The following RASSF4 variants were observed in gnomAD, a reference collection of about 807,000 sequenced individuals.
RASSF4 encodes the protein ras association domain-containing protein 4.
A neutral mutation model predicts 41.1 loss-of-function variants in RASSF4; 38 were observed. The ratio of observed to expected loss-of-function variants is 0.92; its 90% CI spans 0.71 to 1.21. RASSF4 has a LOEUF of 1.21. RASSF4 is among the 50% of genes most tolerant of loss of function. RASSF4 has a pLI of 0.00. For synonymous variants in RASSF4, 179 were observed against 163.4 expected (o/e 1.10, Z -0.73); for missense variants, 414 against 419.4 (o/e 0.99, Z 0.11).
In RASSF4 at chr10:44,987,603, C is replaced by T. The variant is rs1429247440; in HGVS notation, c.532-1671C>T. Among the ~76,000 whole-genome samples the T allele has an allele frequency of 7.3e-4, 106 of 144,888 alleles. 1 individual carries two copies. Among genetic ancestry groups the T allele is most frequent in the Non-Finnish European group, 1.0e-4 (7 of 66,764 alleles). Reference sequence around the variant, plus strand: ...CAAATGGAAGGTTGCTGTTCAGCAACCTTCCATTTGCAAAAATGTGCACTT... The same window carrying T: ...CAAATGGAAGGTTGCTGTTCAGCAATCTTCCATTTGCAAAAATGTGCACTT... On this transcript the variant is annotated intron_variant, in intron 6 of 10. Coordinates refer to ENST00000340258, the MANE Select transcript of RASSF4 (RefSeq NM_032023.4).
intron 9 of RASSF4, chr10:44,991,420 GA>G (rs1308138077): frequency 4.6e-6 from 1 of 216,570 alleles, no homozygotes; most frequent in Admixed American, 5.3e-5. Context: ...CGCACCTGTG[GA>G]AAACAGGGAG....
rs759778943 is a variant in RASSF4 at position 44,989,309 on chromosome 10, C to T, written c.567C>T (p.Thr189=). 3 of 1,613,868 alleles carry T rather than the reference C, an allele frequency of 1.9e-6. No homozygotes were observed. The highest frequency in any genetic ancestry group is 2.5e-6 in the Non-Finnish European group (3 of 1,179,820). Residue 189 remains threonine (T), a synonymous_variant, in exon 7 of 11, where the codon ACC becomes ACT. Transcript: ENST00000340258. The part of the protein sequence containing the change: ...SVFTPAYGSV[T]NVRVNSTMTT... Reference sequence around the variant, plus strand: ...TTACTCCAGCCTATGGATCCGTGACCAATGTGAGGGTCAACAGCACCATGA... The same window carrying T: ...TTACTCCAGCCTATGGATCCGTGACTAATGTGAGGGTCAACAGCACCATGA...
In RASSF4 at chr10:44,993,359, C is replaced by A; in HGVS notation, c.*30C>A. ...CCAACACCTGCCTCTTCCAAAGTCCCCAGCAGTGGCAGGTGTACACTGAGC... is the reference window on the plus strand; with the variant it reads ...CCAACACCTGCCTCTTCCAAAGTCCACAGCAGTGGCAGGTGTACACTGAGC... On this transcript the variant is annotated 3_prime_UTR_variant, in exon 11 of 11. Coordinates refer to ENST00000340258, the MANE Select transcript of RASSF4 (RefSeq NM_032023.4). The A allele has an allele frequency of 6.4e-7, 1 of 1,573,664 alleles. No individual in the cohort carries two copies.
chr10:44,977,439 CACT>C, intron 3 of RASSF4: 1 of 1,609,740 alleles, frequency 6.2e-7, no homozygotes, highest in Non-Finnish European at 8.5e-7. Flanking sequence ...GTTCTGAGGA[CACT>C]GCTGGGGCGG....
At chr10:44,982,360 G>A (rs966287326) in intron 3 of RASSF4, 161 bp from the exon 4 acceptor site, 9 of 855,438 alleles carry the variant, frequency 1.1e-5, no homozygotes, top group East Asian at 5.3e-5. Flanking sequence ...CTGGTCACAC[G>A]CCCCAGGGCA....
At chr10:44,981,125 G>C (rs1306574844) in intron 3 of RASSF4, 1 of 152,150 alleles carries the variant, frequency 6.6e-6, no homozygotes, top group Non-Finnish European at 1.5e-5. Flanking sequence ...GTCTTCCTGA[G>C]TGCTGCCAGG....
chr10:44,993,560 G>C lies in RASSF4; in HGVS notation c.*231G>C. 1.8e-6 allele frequency: 1 copy of C among 565,328 alleles called. No homozygotes were observed. Among genetic ancestry groups the C allele is most frequent in the Non-Finnish European group, 3.2e-6 (1 of 312,950 alleles). 35.0% of individuals were successfully genotyped at this position (565,328 alleles called of 1,614,324 possible). On this transcript the variant is annotated 3_prime_UTR_variant, in exon 11 of 11. Coordinates refer to ENST00000340258, the MANE Select transcript of RASSF4 (RefSeq NM_032023.4). ...GGCCTGAGGGGCCAGGAACTTGCTG[G>C]GTCAGATCTGTGTGGCCAGCCCTGT...
intron 1 of RASSF4, among the ~76,000 whole-genome samples, chr10:44,968,172 T>C (rs1359880550): frequency 6.6e-6 from 1 of 152,218 alleles, no homozygotes; most frequent in African/African-American, 2.4e-5. Context: ...GACTTCGTTA[T>C]GCTGAAGACC....
chr10:44,992,395 C>T (rs1564470070), intron 10 of RASSF4, among the ~76,000 whole-genome samples: 1 of 152,222 alleles, frequency 6.6e-6, no homozygotes, highest in Non-Finnish European at 1.5e-5. Flanking sequence ...CTGATTAGGG[C>T]CTTTTGTCCT....
At chr10:44,969,546 T>C (rs1276151239) in intron 1 of RASSF4, among the ~76,000 whole-genome samples, 1 of 152,238 alleles carries the variant, frequency 6.6e-6, no homozygotes, top group Non-Finnish European at 1.5e-5. Flanking sequence ...CAGTGGCTTT[T>C]CTGCTTACTT....
chr10:44,977,729 G>A (rs147897217), intron 3 of RASSF4: 11 of 1,609,836 alleles, frequency 6.8e-6, no homozygotes, highest in Non-Finnish European at 9.3e-6. Context: ...GGGGTCCACA[G>A]TATCAGCCAT....
rs544265790 is a variant in RASSF4 at position 44,985,316 on chromosome 10, T to C, written c.531+346T>C. ...GGAACACTGTGTATCCAGCCATCAC[T>C]CTCACCGAATAATTAAGCAGGGGTG... On this transcript the variant is annotated intron_variant, in intron 6 of 10. Transcript: ENST00000340258. Among the ~76,000 whole-genome samples, 14 of 152,250 alleles carry C rather than the reference T, an allele frequency of 9.2e-5. No individual in the cohort carries two copies. The South Asian group carries it at 2.7e-3, about 29-fold the overall frequency.
rs775288328 is a variant in RASSF4, at chr10:44,989,694, G to A, written c.658G>A (p.Ala220Thr). The A allele has an allele frequency of 1.6e-5, 26 of 1,614,034 alleles. No homozygotes were observed. Among genetic ancestry groups the A allele is most frequent in the East Asian group, 2.2e-5 (1 of 44,890 alleles). Residue 220 changes from alanine (A) to threonine (T), a missense_variant, in exon 8 of 11, where the codon GCA (alanine) becomes ACA (threonine). Physicochemically the swap from Ala to Thr is moderately conservative, Grantham distance 58. Transcript: ENST00000340258. ...FRVEDGPSEF[A>T]LYIVHESGER... ...GGTGGAAGATGGCCCCAGTGAGTTC[G>A]CACTCTACATCGTTCACGAGTCTGG...
intron 7 of RASSF4, 94 bp from the exon 8 acceptor site, chr10:44,989,576 G>T: frequency 8.6e-7 from 1 of 1,164,926 alleles, no homozygotes; most frequent in Non-Finnish European, 1.3e-6. Context: ...ACTTGCGTGT[G>T]TGTTACTGGG....
chr10:44,982,716 G>A, intron 4 of RASSF4, 53 bp downstream of exon 4: 2 of 1,581,404 alleles, frequency 1.3e-6, no homozygotes, highest in Admixed American at 1.9e-5. Flanking sequence ...TCCCGGGTTG[G>A]GGATATCCCG....
At chr10:44,974,007 GGTACC>G (rs1330265895) in intron 3 of RASSF4, among the ~76,000 whole-genome samples, 3 of 60,832 alleles carry the variant, frequency 4.9e-5, no homozygotes, top group East Asian at 5.0e-4. Context: ...AACAGCCCAG[GGTACC>G]GGTACCGGCC....
Position 44,970,256 on chromosome 10 carries a change from C to T in RASSF4, c.54C>T (p.Ser18=). The T allele has an allele frequency of 6.2e-7, 1 of 1,613,824 alleles. No individual in the cohort carries two copies. The highest frequency in any genetic ancestry group is 8.5e-7 in the Non-Finnish European group (1 of 1,179,684). Residue 18 remains serine, a synonymous_variant, in exon 2 of 11, where the codon TCC becomes TCT. Transcript: ENST00000340258. The part of the protein sequence containing the change: ...SSHVPISDSK[S]IQKSELLGLL... ...ACGTGCCCATCAGTGACAGCAAGTC[C>T]ATTCAGAAGTAAGCCTTGGTGTGCA... is the stretch of plus-strand genomic sequence containing the variant.
In RASSF4 at chr10:44,982,527, G is replaced by A. The variant is rs1366655273; in HGVS notation, c.145G>A (p.Gly49Arg). Reference sequence around the variant, plus strand: ...GATGTGTGGACCCCCACAGGAAGAAGGGACTCTGATCATCGAGGGGCTCCT... The same window carrying A: ...GATGTGTGGACCCCCACAGGAAGAAAGGACTCTGATCATCGAGGGGCTCCT... ...SFQLRHREEEGTLIIEGLLNI... is the reference protein window; with the variant it reads ...SFQLRHREEERTLIIEGLLNI... Residue 49 changes from glycine to arginine, a missense_variant, in exon 4 of 11, where the codon GGG becomes AGG. By Grantham distance (125) the Gly-to-Arg change is moderately radical. Coordinates refer to ENST00000340258, the MANE Select transcript of RASSF4 (RefSeq NM_032023.4). 2.5e-6 allele frequency: 4 copies of A among 1,611,470 alleles called. No individual in the cohort carries two copies. Among genetic ancestry groups the A allele is most frequent in the Non-Finnish European group, 3.4e-6 (4 of 1,178,838 alleles).
rs994222031 is a variant in RASSF4 at position 44,993,405 on chromosome 10, G to A, written c.*76G>A. ...TGAGCCCTGGTTGCTGGCCCCGGCC[G>A]GTCACATTGACTGATGGCCACCGCC... On this transcript the variant is annotated 3_prime_UTR_variant, in exon 11 of 11. Transcript: ENST00000340258. The A allele has an allele frequency of 3.0e-5, 36 of 1,219,502 alleles. No homozygotes were observed. Among genetic ancestry groups the A allele is most frequent in the Middle Eastern group, 1.9e-4 (1 of 5,386 alleles). The allele number at this position is 1,219,502 out of a possible 1,614,324, so 75.5% of individuals were successfully genotyped here.
Sources: allele counts gnomAD v4.1 joint callset (sites outside exome capture counted in the v4.1 genomes callset), GRCh38; gene constraint gnomAD v4.1.1; transcripts MANE v1.5; gene names NCBI Gene and HGNC (gene_info 2026-07-23, HGNC 2026-07-21).